The following PIGN variants were observed in gnomAD, a reference collection of about 807,000 sequenced individuals.
PIGN encodes phosphatidylinositol glycan anchor biosynthesis class N.
PIGN carries 117 observed loss-of-function variants against 125.4 expected under a neutral mutation model. That is an observed-to-expected ratio of 0.93 (90% CI 0.80 to 1.09). The LOEUF is 1.09. Ranked by LOEUF, PIGN falls within the 50% of genes least tolerant of loss-of-function variation. The pLI is 0.00. For missense variants in PIGN, 1,075 were observed against 1,094.9 expected (o/e 0.98, Z 0.26); for synonymous variants, 392 against 377.8 (o/e 1.04, Z -0.44).
Position 62,157,180 on chromosome 18 carries a change from T to C in PIGN, c.391A>G (p.Lys131Glu). 1.2e-6 allele frequency: 2 copies of C among 1,610,212 alleles called. No homozygotes were observed. Among genetic ancestry groups the C allele is most frequent in the Non-Finnish European group, 1.7e-6 (2 of 1,177,566 alleles). ...GGGCTTCCCCAGCTCCATGTGTATT[T>C]ACTTTCATTAAAAAGAGAATCAAAC... is the stretch of plus-strand genomic sequence containing the variant. ...VEFDSLFNES[K>E]YTWSWGSPDI... Residue 131 changes from lysine (K) to glutamate (E), a missense_variant, in exon 6 of 31, where the codon AAA (lysine) becomes GAA (glutamate). Coordinates refer to ENST00000640252, the MANE Select transcript of PIGN (RefSeq NM_176787.5).
intron 30 of PIGN, among the ~76,000 whole-genome samples, chr18:62,071,868 A>ATATATATATATG (rs2032878366): frequency 4.3e-4 from 3 of 6,900 alleles, no homozygotes; most frequent in African/African-American, 2.1e-3. Flanking sequence ...TTTTCCATAT[A>ATATATATATATG]TATATATATA....
chr18:62,117,111 A>C (rs2035115955), intron 14 of PIGN, among the ~76,000 whole-genome samples: 1 of 152,112 alleles, frequency 6.6e-6, no homozygotes, highest in Non-Finnish European at 1.5e-5. Context: ...AAGATTTGCA[A>C]TATATCTGGA....
intron 30 of PIGN, among the ~76,000 whole-genome samples, chr18:62,059,459 CA>C (rs1476810763): frequency 6.6e-6 from 1 of 152,020 alleles, no homozygotes; most frequent in Non-Finnish European, 1.5e-5. Context: ...AACAATGGAA[CA>C]TTATTCAGCA....
chr18:62,162,055 A>G (rs1431360960), intron 3 of PIGN, among the ~76,000 whole-genome samples, 198 bp downstream of exon 3: 1 of 152,146 alleles, frequency 6.6e-6, no homozygotes, highest in Non-Finnish European at 1.5e-5. Flanking sequence ...AGTTCCCTGA[A>G]TCAATCAAAA....
At chr18:62,133,651 GT>G (rs1389841367) in intron 14 of PIGN, among the ~76,000 whole-genome samples, 1 of 151,898 alleles carries the variant, frequency 6.6e-6, no homozygotes, top group Non-Finnish European at 1.5e-5. Flanking sequence ...AAATTTGACA[GT>G]TTTCTTTACA....
intron 21 of PIGN, among the ~76,000 whole-genome samples, chr18:62,102,227 C>CA (rs760743679): frequency 8.0e-5 from 12 of 149,140 alleles, no homozygotes; most frequent in Non-Finnish European, 1.5e-4. Flanking sequence ...GACCTCATTT[C>CA]AAAAAAACAC....
Position 62,085,189 on chromosome 18 carries a change from C to A in PIGN, c.2426+20G>T, listed in dbSNP as rs775413355. 1.1e-5 allele frequency: 15 copies of A among 1,345,806 alleles called. No individual in the cohort carries two copies. The South Asian group carries it at 1.9e-4, about 17-fold the overall frequency. 83.4% of individuals were successfully genotyped at this position (1,345,806 alleles called of 1,614,324 possible). On this transcript the variant is annotated intron_variant, in intron 26 of 30. Coordinates refer to ENST00000640252, the MANE Select transcript of PIGN (RefSeq NM_176787.5). ...ATTATTTTTTAGTTATATATATATG[C>A]CACTTTCATTTAAAATTACCTGTTA... is the stretch of plus-strand genomic sequence containing the variant.
chr18:62,095,315 T>A (rs1009348495), intron 23 of PIGN, among the ~76,000 whole-genome samples: 6 of 152,230 alleles, frequency 3.9e-5, no homozygotes, highest in Non-Finnish European at 2.9e-5. Context: ...TGCTTTGGGA[T>A]TTACCCCAAG....
Position 62,109,922 on chromosome 18 carries a change from C to T in PIGN, c.1486G>A (p.Ala496Thr), listed in dbSNP as rs368439210. Reference sequence around the variant, plus strand: ...CAGGCTTGAATCAGCAGAAAAAATGCTACTAAAATGCCAATAGCTACAAAA... The same window carrying T: ...CAGGCTTGAATCAGCAGAAAAAATGTTACTAAAATGCCAATAGCTACAAAA... Reference protein sequence around the residue: ...CSFVAIGILVAFFLLIQACPW... With the variant: ...CSFVAIGILVTFFLLIQACPW... Residue 496 changes from alanine to threonine, a missense_variant, in exon 17 of 31, where the codon GCA (alanine) becomes ACA (threonine). Around this residue, in one of 3 missense-constraint regions of PIGN, gnomAD observed 915 missense variants for 908.7 expected, o/e 1.01. Coordinates refer to ENST00000640252, the MANE Select transcript of PIGN (RefSeq NM_176787.5). 1.4e-5 allele frequency: 22 copies of T among 1,613,090 alleles called. No individual in the cohort carries two copies. In the African/African-American group the frequency reaches 2.7e-4, roughly 20 times the overall value.
At chr18:62,181,364 C>T (rs2037709854) in intron 1 of PIGN, among the ~76,000 whole-genome samples, 1 of 152,146 alleles carries the variant, frequency 6.6e-6, no homozygotes. Context: ...CTGAATGTGA[C>T]CTCTTTTTTT....
chr18:62,018,112 GAACT>G (rs1478976743), intron 23 of PIGN, among the ~76,000 whole-genome samples: 5 of 152,208 alleles, frequency 3.3e-5, no homozygotes, highest in African/African-American at 9.7e-5. Context: ...AACTGCATGG[GAACT>G]AACAGGCACA....
chr18:62,101,249 GTAAGACAT>G lies in PIGN; in HGVS notation c.1969-74_1969-67del, dbSNP rs1337054772. On this transcript the variant is annotated intron_variant, in intron 21 of 30. Transcript: ENST00000640252. ...GTGAAAGACTCTAACTAGCAAGAAT[GTAAGACAT>G]TCTTATTTCTGAGACATTAAAATGT... 3 of 860,194 alleles carry G rather than the reference GTAAGACAT, an allele frequency of 3.5e-6. No homozygotes were observed. The African/African-American group carries it at 5.0e-5, about 14-fold the overall frequency. 53.3% of individuals were successfully genotyped at this position (860,194 alleles called of 1,614,324 possible).
Position 62,158,834 on chromosome 18 carries a change from G to C in PIGN, c.222-1026C>G, listed in dbSNP as rs149745627. On this transcript the variant is annotated intron_variant, in intron 4 of 30. Coordinates refer to ENST00000640252, the MANE Select transcript of PIGN (RefSeq NM_176787.5). ...AACGAGAAATATTCTTTAACTTCTT[G>C]AGTTATATAATGAAAACTGGACTTA... Among the ~76,000 whole-genome samples, 324 of 152,230 alleles carry C rather than the reference G, an allele frequency of 2.1e-3. 3 individuals are homozygous for C. Among genetic ancestry groups the C allele is most frequent in the Non-Finnish European group, 3.4e-3 (232 of 68,022 alleles).
intron 14 of PIGN, among the ~76,000 whole-genome samples, chr18:62,126,861 G>A (rs577109227): frequency 3.7e-4 from 56 of 152,274 alleles, no homozygotes; most frequent in African/African-American, 1.3e-3. Context: ...CTCATCCTAT[G>A]AGCAGCAGTT....
Position 62,088,821 on chromosome 18 carries a change from A to G in PIGN, c.2305T>C (p.Tyr769His), listed in dbSNP as rs1476863780. ...CGAAACTGAGTTATATCAGTATTAT[A>G]AGAGAACTGGATACTGGTGAGCTGT... The part of the protein sequence containing the change: ...KQKLTSIQFS[Y>H]NTDITQFRQL... Residue 769 changes from tyrosine (Y) to histidine (H), a missense_variant, in exon 25 of 31, where the codon TAT (tyrosine) becomes CAT (histidine). Transcript: ENST00000640252. 1 of 1,549,302 alleles carries G rather than the reference A, an allele frequency of 6.5e-7. No individual in the cohort carries two copies. The highest frequency in any genetic ancestry group is 1.4e-5 in the African/African-American group (1 of 73,494).
chr18:62,144,857 T>A (rs2036261640), intron 10 of PIGN, among the ~76,000 whole-genome samples: 1 of 152,168 alleles, frequency 6.6e-6, no homozygotes, highest in Non-Finnish European at 1.5e-5. Context: ...TTCCAGCGAC[T>A]TGGGAGGCTG....
chr18:62,145,931 T>C lies in PIGN; in HGVS notation c.900A>G (p.Gln300=). ...IKYPQRVSAQ[Q]FDDAFLKEWR... Reference sequence around the variant, plus strand: ...TACCTTTCAAAAATGCATCATCAAATTGCTGAGCTGATACTCTTTGGGGAT... The same window carrying C: ...TACCTTTCAAAAATGCATCATCAAACTGCTGAGCTGATACTCTTTGGGGAT... The change falls in exon 10 of 31, where the codon CAA becomes CAG. Residue 300 remains glutamine (Q), a synonymous_variant. Transcript: ENST00000640252. 6.3e-7 allele frequency: 1 copy of C among 1,589,192 alleles called. No homozygotes were observed. Among genetic ancestry groups the C allele is most frequent in the African/African-American group, 1.3e-5 (1 of 74,520 alleles).
At chr18:62,186,599 C>T (rs917431636) in intron 1 of PIGN, among the ~76,000 whole-genome samples, 5 of 152,202 alleles carry the variant, frequency 3.3e-5, no homozygotes, top group African/African-American at 1.2e-4. Flanking sequence ...GGACCACCTC[C>T]GGGGCTGAGA....
intron 11 of PIGN, among the ~76,000 whole-genome samples, chr18:62,141,846 T>C (rs561660739): frequency 3.9e-5 from 6 of 152,228 alleles, no homozygotes; most frequent in South Asian, 2.1e-4. Context: ...ATGGTTTCTA[T>C]TGCTATATAA....
Sources: gnomAD v4.1 joint callset for allele counts (sites outside exome capture counted in the v4.1 genomes callset) on GRCh38, gnomAD v4.1.1 for gene constraint, gnomAD v4.1.1 regional missense constraint, MANE v1.5 for transcripts, NCBI Gene and HGNC (gene_info 2026-07-23, HGNC 2026-07-21) for gene names.